The following PRH1 variants were observed in gnomAD, a reference collection of about 807,000 sequenced individuals.
The protein encoded by PRH1 is proline rich protein HaeIII subfamily 1.
In PRH1, 7 loss-of-function variants were observed where a neutral mutation model predicts 7.9. That is an observed-to-expected ratio of 0.89 (90% CI 0.50 to 1.67). The LOEUF is 1.67. Ranked by LOEUF, PRH1 falls within the 40% of genes most tolerant of loss-of-function variation. The pLI is 0.00. For synonymous variants in PRH1, 45 were observed against 80.8 expected, an observed-to-expected ratio of 0.56 and a Z score of 2.38; for missense variants, 109 against 223.6, an observed-to-expected ratio of 0.49 and a Z score of 3.27.
chr12:11,031,499 G>C (rs1331361808), intron 1 of PRH1: 2 of 753,750 alleles, frequency 2.7e-6, no homozygotes, highest in Non-Finnish European at 4.0e-6. Context: ...GTGAGCAACA[G>C]CAAGGTTTAT....
At chr12:11,091,863 T>A (rs1211810634) in intron 1 of PRH1, 2 of 1,357,188 alleles carry the variant, frequency 1.5e-6, no homozygotes, top group South Asian at 2.3e-5. Context: ...TTAACTCTCC[T>A]CTTTAAGTGA....
At chr12:11,022,753 CTT>C in intron 1 of PRH1, 1 of 570,326 alleles carries the variant, frequency 1.8e-6, no homozygotes. Flanking sequence ...TCAAAACTGT[CTT>C]TATAGAAATA....
chr12:11,013,665 A>G (rs1941160562), intron 1 of PRH1, among the ~76,000 whole-genome samples: 1 of 152,138 alleles, frequency 6.6e-6, no homozygotes, highest in African/African-American at 2.4e-5. Flanking sequence ...ATAAAACTAA[A>G]TTAGATGCTG....
At chr12:11,165,737 C>G (rs1392209553) in intron 1 of PRH1, among the ~76,000 whole-genome samples, 1 of 152,138 alleles carries the variant, frequency 6.6e-6, no homozygotes, top group Non-Finnish European at 1.5e-5. Flanking sequence ...TTGTATCAAT[C>G]CAATCTGTAG....
intron 2 of PRH1, among the ~76,000 whole-genome samples, chr12:10,909,809 T>C (rs1046697699): frequency 6.6e-6 from 1 of 152,200 alleles, no homozygotes; most frequent in Non-Finnish European, 1.5e-5. Context: ...AAGACTTACC[T>C]ATGCTATTTC....
At chr12:10,990,879 T>G (rs1177569761) in intron 1 of PRH1, among the ~76,000 whole-genome samples, 1 of 152,160 alleles carries the variant, frequency 6.6e-6, no homozygotes, top group African/African-American at 2.4e-5. Flanking sequence ...AAATGTTAAC[T>G]CCGTGTTTTT....
intron 1 of PRH1, among the ~76,000 whole-genome samples, chr12:11,065,263 T>C (rs1436072714): frequency 6.6e-6 from 1 of 152,142 alleles, no homozygotes; most frequent in African/African-American, 2.4e-5. Context: ...AGGTTTTTTA[T>C]TGGTCTTTGA....
At chr12:11,096,269 G>C (rs1945066404) in intron 1 of PRH1, among the ~76,000 whole-genome samples, 1 of 114,736 alleles carries the variant, frequency 8.7e-6, no homozygotes, top group African/African-American at 2.9e-5. Flanking sequence ...ATCTCTTTAT[G>C]CTTCATTCTG....
At position 11,162,563 on chromosome 12, in the gene PRH1, A is replaced by G. The variant is rs150074480; in HGVS notation, n.39+8859T>C. Among the ~76,000 whole-genome samples, 849 of 152,290 alleles carry G rather than the reference A, an allele frequency of 5.6e-3. 5 individuals carry two copies. Among genetic ancestry groups the G allele is most frequent in the African/African-American group, 0.02 (814 of 41,562 alleles). ...CAGGAAAGGAGCATAAGTGTGTTCT[A>G]TATGTGGGAAGAAGGGTACATATGG... On this transcript the variant is annotated intron_variant and non_coding_transcript_variant, in intron 1 of 1. Transcript: ENST00000541175.
chr12:11,090,763 C>T lies in PRH1; in HGVS notation n.124-43575G>A, dbSNP rs1162347467. Among the ~76,000 whole-genome samples, 51 of 115,804 alleles carry T rather than the reference C, an allele frequency of 4.4e-4. 10 individuals carry two copies. The highest frequency in any genetic ancestry group is 2.0e-3 in the Admixed American group (23 of 11,528). The allele number at this position is 115,804 out of a possible 152,430, so 76.0% of individuals were successfully genotyped here. A position where few individuals can be genotyped will look rare whatever the true frequency, so the allele number is the denominator to read the frequency against. Reference sequence around the variant, plus strand: ...AGAAATTCATAATGGAATAAAACACCGAGGATACATCCTCATTATTGATTT... The same window carrying T: ...AGAAATTCATAATGGAATAAAACACTGAGGATACATCCTCATTATTGATTT... On this transcript the variant is annotated intron_variant and non_coding_transcript_variant, in intron 1 of 4. Coordinates refer to the PRH1 transcript ENST00000541977.
intron 2 of PRH1, chr12:10,929,189 G>C: frequency 3.1e-6 from 5 of 1,590,142 alleles, no homozygotes; most frequent in Non-Finnish European, 4.3e-6. Flanking sequence ...GCTCAAATGC[G>C]CCATTGTCCT....
At chr12:11,069,743 G>A (rs1349969369) in intron 1 of PRH1, among the ~76,000 whole-genome samples, 1 of 152,168 alleles carries the variant, frequency 6.6e-6, no homozygotes, top group Non-Finnish European at 1.5e-5. Flanking sequence ...GAGCAAAATG[G>A]AGCTGAAAAG....
At chr12:10,986,607 T>G in intron 1 of PRH1, 1 of 1,614,048 alleles carries the variant, frequency 6.2e-7, no homozygotes, top group Non-Finnish European at 8.5e-7. Flanking sequence ...CCAGGCATTA[T>G]AAGAAGTAAT....
rs112316942 is a variant in PRH1, at chr12:11,142,984, A to G, written n.40-21804T>C. ...AATCAGAAAGAAAAGGGCATTAATG[A>G]GCAATATGTAATCACCTAAAGCTAT... On this transcript the variant is annotated intron_variant and non_coding_transcript_variant, in intron 1 of 1. Transcript: ENST00000541175. Among the ~76,000 whole-genome samples the G allele has an allele frequency of 6.2e-3, 941 of 152,332 alleles. 8 individuals carry two copies. Among genetic ancestry groups the G allele is most frequent in the African/African-American group, 0.021 (881 of 41,566 alleles).
chr12:11,000,802 C>G (rs1940549152), intron 1 of PRH1, among the ~76,000 whole-genome samples: 1 of 151,996 alleles, frequency 6.6e-6, no homozygotes, highest in Admixed American at 6.6e-5. Flanking sequence ...TTCACTAATT[C>G]TCTCTTCTAT....
intron 1 of PRH1, among the ~76,000 whole-genome samples, chr12:11,064,206 T>G (rs1591930586): frequency 6.6e-6 from 1 of 152,276 alleles, no homozygotes; most frequent in Non-Finnish European, 1.5e-5. Context: ...CTTTACCAAC[T>G]AGGTATGCAA....
chr12:11,009,279 A>G (rs1162187893), intron 1 of PRH1, among the ~76,000 whole-genome samples: 1 of 151,882 alleles, frequency 6.6e-6, no homozygotes, highest in Non-Finnish European at 1.5e-5. Context: ...GTTATTTAGA[A>G]TGTGGCTCTT....
chr12:11,070,673 G>C (rs1273934035), intron 1 of PRH1, among the ~76,000 whole-genome samples: 1 of 152,130 alleles, frequency 6.6e-6, no homozygotes, highest in East Asian at 1.9e-4. Flanking sequence ...AAGACTTGAC[G>C]TTGCTGCAGA....
At chr12:10,965,321 A>G (rs1938450386) in intron 2 of PRH1, 2 of 1,287,818 alleles carry the variant, frequency 1.6e-6, no homozygotes, top group Non-Finnish European at 2.1e-6. Flanking sequence ...CACTACTAGA[A>G]TGGAAAAAAT....
Sources: gnomAD v4.1 joint callset for allele counts (sites outside exome capture counted in the v4.1 genomes callset) on GRCh38, gnomAD v4.1.1 for gene constraint, MANE v1.5 for transcripts, NCBI Gene and HGNC (gene_info 2026-07-23, HGNC 2026-07-21) for gene names.